FBN1: variants seen among roughly 807,000 people sequenced by gnomAD.
The protein encoded by FBN1 is fibrillin-1.
Under a neutral mutation model 365.1 loss-of-function variants are expected in FBN1, and 29 were observed. That is an observed-to-expected ratio of 0.08 (90% confidence interval 0.06 to 0.11). The LOEUF (loss-of-function observed/expected upper bound fraction) is 0.11, where lower values mean the gene tolerates loss of function less well. Among genes scored for constraint, FBN1 ranks in the 10% least tolerant of loss-of-function variants. The pLI, the probability that FBN1 is intolerant of heterozygous loss-of-function variation, is 1.00. For synonymous variants in FBN1, 1,210 were observed against 1,270.5 expected (o/e 0.95, Z 1.01); for missense variants, 2,476 against 3,703.2 (o/e 0.67, Z 8.60).
chr15:48,582,644 G>A (rs1451784571), intron 6 of FBN1, among the ~76,000 whole-genome samples: 2 of 152,146 alleles, frequency 1.3e-5, no homozygotes, highest in Non-Finnish European at 2.9e-5. Context: ...ATCCAAAGGC[G>A]TTCCCCAGGG....
rs759743242 is a variant in FBN1, at chr15:48,526,149, T to C, written c.969A>G (p.Pro323=). The part of the protein sequence containing the change: ...CKCPPGFYTS[P]DGTRCIDVRP... ...ACCTACCTATGCATCTGGTACCATCTGGAGAGGTGTAAAAACCAGGGGGAC... is the reference window on the plus strand; with the variant it reads ...ACCTACCTATGCATCTGGTACCATCCGGAGAGGTGTAAAAACCAGGGGGAC... The change falls in exon 9 of 66, where the codon CCA becomes CCG. Residue 323 remains proline, a synonymous_variant. Transcript: ENST00000316623. 6.2e-6 allele frequency: 10 copies of C among 1,614,062 alleles called. No homozygotes were observed. The highest frequency in any genetic ancestry group is 8.5e-6 in the Non-Finnish European group (10 of 1,180,016).
intron 30 of FBN1, 93 bp downstream of exon 30, chr15:48,485,281 G>C (rs1359117936): frequency 1.3e-6 from 2 of 1,525,362 alleles, no homozygotes; most frequent in African/African-American, 2.7e-5. Flanking sequence ...CAAGGGTTTG[G>C]ACTCAAGCCT....
chr15:48,537,117 A>C (rs2044019583), intron 7 of FBN1, among the ~76,000 whole-genome samples: 1 of 152,356 alleles, frequency 6.6e-6, no homozygotes. Flanking sequence ...TAAAACTGTG[A>C]AACAAATCCT....
intron 38 of FBN1, among the ~76,000 whole-genome samples, chr15:48,466,253 T>A (rs1050641532): frequency 2.0e-5 from 3 of 152,362 alleles, no homozygotes; most frequent in East Asian, 1.9e-4. Flanking sequence ...CCCTTAATAA[T>A]CTTAATTGGC....
rs61069899 is a variant in FBN1 at position 48,469,079 on chromosome 15, A to ATAT, written c.4460-546_4460-545insATA. ...CGAGACTCCGTCTCAAAAAAAAAAA[A>ATAT]ATATATATATATATAAAATATAATA... On this transcript the variant is annotated intron_variant, in intron 36 of 65. Coordinates refer to ENST00000316623, the MANE Select transcript of FBN1 (RefSeq NM_000138.5). Among the ~76,000 whole-genome samples the ATAT allele has an allele frequency of 3.5e-4, 35 of 98,818 alleles. 1 individual carries two copies. Among genetic ancestry groups the ATAT allele is most frequent in the African/African-American group, 1.3e-3 (30 of 22,488 alleles). The allele number at this position is 98,818 out of a possible 152,430, so 64.8% of individuals were successfully genotyped here. A position where few individuals can be genotyped will look rare whatever the true frequency, so the allele number is the denominator to read the frequency against.
At chr15:48,418,097 AGAGG>A (rs1217988013) in intron 63 of FBN1, among the ~76,000 whole-genome samples, 2 of 152,342 alleles carry the variant, frequency 1.3e-5, no homozygotes, top group East Asian at 3.9e-4. Context: ...GTGAGAAATT[AGAGG>A]GAGGAGAAAT....
chr15:48,521,926 C>T (rs950260288), intron 9 of FBN1, among the ~76,000 whole-genome samples: 11 of 152,320 alleles, frequency 7.2e-5, no homozygotes, highest in East Asian at 3.9e-4. Flanking sequence ...CTGGGCTGTA[C>T]AGCAGGGGGT....
intron 6 of FBN1, among the ~76,000 whole-genome samples, chr15:48,567,372 CATAG>C (rs1287493817): frequency 2.6e-5 from 4 of 152,098 alleles, no homozygotes; most frequent in African/African-American, 9.7e-5. Context: ...GAAATTTCAT[CATAG>C]ATAGAGAAAC....
chr15:48,425,645 T>C (rs2141226697), intron 59 of FBN1, 94 bp downstream of exon 59: 1 of 1,549,546 alleles, frequency 6.5e-7, no homozygotes, highest in East Asian at 2.3e-5. Context: ...CCTATGAAAC[T>C]GCACAGACTT....
rs557603574 is a variant in FBN1 at position 48,470,019 on chromosome 15, G to A, written c.4459+615C>T. Reference sequence around the variant, plus strand: ...GTTGTTTCTTCAGTATCCTTGAACAGAGGGGTGAATTAGGAAGGGGAAATG... The same window carrying A: ...GTTGTTTCTTCAGTATCCTTGAACAAAGGGGTGAATTAGGAAGGGGAAATG... On this transcript the variant is annotated intron_variant, in intron 36 of 65. Coordinates refer to ENST00000316623, the MANE Select transcript of FBN1 (RefSeq NM_000138.5). Among the ~76,000 whole-genome samples, 5 of 152,262 alleles carry A rather than the reference G, an allele frequency of 3.3e-5. No homozygotes were observed. In the East Asian group the frequency reaches 7.7e-4, roughly 24 times the overall value.
chr15:48,480,743 GT>G (rs1309257625), intron 32 of FBN1, among the ~76,000 whole-genome samples: 2 of 152,090 alleles, frequency 1.3e-5, no homozygotes, highest in African/African-American at 4.8e-5. Flanking sequence ...TTTAATATTT[GT>G]TTTAAGTCAT....
chr15:48,521,134 G>C (rs930106638), intron 9 of FBN1, among the ~76,000 whole-genome samples: 6 of 152,196 alleles, frequency 3.9e-5, no homozygotes, highest in Non-Finnish European at 7.3e-5. Context: ...AGCAGTGACA[G>C]TTTATTATTT....
At chr15:48,620,959 T>C (rs1442877462) in intron 2 of FBN1, among the ~76,000 whole-genome samples, 1 of 152,112 alleles carries the variant, frequency 6.6e-6, no homozygotes, top group African/African-American at 2.4e-5. Flanking sequence ...ACATCCACAC[T>C]GAGGGGAGCA....
chr15:48,437,342 C>T lies in FBN1; in HGVS notation c.6359G>A (p.Gly2120Glu), dbSNP rs1310047239. ...ICPYGSGIIV[G>E]PDDSAVDMDE... Reference sequence around the variant, plus strand: ...CTGACCAACTGCTGAATCATCAGGTCCCACGATGATCCCACTTCCATAAGG... The same window carrying T: ...CTGACCAACTGCTGAATCATCAGGTTCCACGATGATCCCACTTCCATAAGG... Residue 2120 changes from glycine to glutamate, a missense_variant, in exon 52 of 66, where the codon GGA becomes GAA. Coordinates refer to ENST00000316623, the MANE Select transcript of FBN1 (RefSeq NM_000138.5). The T allele has an allele frequency of 6.2e-7, 1 of 1,613,474 alleles. No homozygotes were observed. The highest frequency in any genetic ancestry group is 2.2e-5 in the East Asian group (1 of 44,872).
chr15:48,593,719 A>G (rs916630559), intron 6 of FBN1, among the ~76,000 whole-genome samples: 1 of 152,206 alleles, frequency 6.6e-6, no homozygotes, highest in African/African-American at 2.4e-5. Flanking sequence ...AATTAAGAAG[A>G]TGAAGAAACT....
Position 48,481,721 on chromosome 15 carries a change from T to C in FBN1, c.3898A>G (p.Lys1300Glu). The C allele has an allele frequency of 6.2e-7, 1 of 1,613,900 alleles. No homozygotes were observed. Among genetic ancestry groups the C allele is most frequent in the Non-Finnish European group, 8.5e-7 (1 of 1,179,806 alleles). ...ICLSGTCENTKGSFICHCDMG... is the reference protein window; with the variant it reads ...ICLSGTCENTEGSFICHCDMG... ...TCACAGTGGCAGATAAATGAGCCTTTCGTGTTTTCACAGGTCCCACTTAGG... is the reference window on the plus strand; with the variant it reads ...TCACAGTGGCAGATAAATGAGCCTTCCGTGTTTTCACAGGTCCCACTTAGG... Residue 1300 changes from lysine to glutamate, a missense_variant, in exon 32 of 66, where the codon AAA becomes GAA. Transcript: ENST00000316623.
At chr15:48,452,433 G>T (rs2043208153) in intron 45 of FBN1, 129 bp downstream of exon 45, 1 of 1,096,252 alleles carries the variant, frequency 9.1e-7, no homozygotes, top group South Asian at 1.3e-5. Flanking sequence ...TTTAATATTA[G>T]AGTTCATCAA....
At chr15:48,563,433 A>G (rs1479952287) in intron 6 of FBN1, among the ~76,000 whole-genome samples, 2 of 152,114 alleles carry the variant, frequency 1.3e-5, no homozygotes, top group Non-Finnish European at 2.9e-5. Flanking sequence ...GGCAGGGAGG[A>G]GGGAAAAAAA....
intron 14 of FBN1, 122 bp from the exon 15 acceptor site, chr15:48,508,826 C>A: frequency 8.6e-7 from 1 of 1,169,250 alleles, no homozygotes; most frequent in Non-Finnish European, 1.2e-6. Context: ...CAGCCTAAGG[C>A]TAACTTTCAT....
Sources: allele counts gnomAD v4.1 joint callset (sites outside exome capture counted in the v4.1 genomes callset), GRCh38; gene constraint gnomAD v4.1.1; transcripts MANE v1.5; gene names NCBI Gene and HGNC (gene_info 2026-07-23, HGNC 2026-07-21).